Variants in CPNE4 observed in about 807,000 individuals in gnomAD.
The protein encoded by CPNE4 is copine 4.
CPNE4 carries 25 observed loss-of-function variants against 67.9 expected under a neutral mutation model. The observed-to-expected ratio is 0.37, with a 90% CI of 0.27 to 0.51. The LOEUF (loss-of-function observed/expected upper bound fraction) is 0.51. CPNE4 is among the 20% of genes least tolerant of loss of function. CPNE4 has a pLI of 0.93. For synonymous variants in CPNE4, 242 were observed against 244.9 expected (o/e 0.99, Z 0.11); for missense variants, 464 against 690.8 (o/e 0.67, Z 3.68).
chr3:131,966,595 TCTACA>T (rs1400297639), intron 1 of CPNE4, among the ~76,000 whole-genome samples: 2 of 152,072 alleles, frequency 1.3e-5, no homozygotes, highest in South Asian at 2.1e-4. Context: ...TATAAACAAC[TCTACA>T]CAGATAAACT....
rs147571070 is a variant in CPNE4 at position 131,624,110 on chromosome 3, T to C, written c.682-36528A>G. Among the ~76,000 whole-genome samples the C allele has an allele frequency of 1.8e-4, 28 of 152,318 alleles. 1 individual carries two copies. Among genetic ancestry groups the C allele is most frequent in the Admixed American group, 3.9e-4 (6 of 15,306 alleles). ...CTGCTATTGGTGTCTTTCTGAGTTT[T>C]GTCTGCGAATTTGGATTTTGTTTCC... On this transcript the variant is annotated intron_variant, in intron 7 of 15. Transcript: ENST00000429747.
chr3:132,020,873 C>G (rs1412875051), intron 1 of CPNE4, among the ~76,000 whole-genome samples: 2 of 152,228 alleles, frequency 1.3e-5, no homozygotes, highest in Non-Finnish European at 2.9e-5. Context: ...TTGCTGAACA[C>G]AAACAATAAA....
At chr3:131,688,530 G>T (rs1001578660) in intron 5 of CPNE4, among the ~76,000 whole-genome samples, 2 of 152,080 alleles carry the variant, frequency 1.3e-5, no homozygotes, top group African/African-American at 4.8e-5. Context: ...ATGGATGTGG[G>T]CTACAGTAGC....
chr3:131,693,479 C>A (rs985545540), intron 5 of CPNE4, among the ~76,000 whole-genome samples: 1 of 152,040 alleles, frequency 6.6e-6, no homozygotes, highest in African/African-American at 2.4e-5. Context: ...TATTAGTTTA[C>A]ATTTTTGCAA....
chr3:131,802,392 A>G (rs2084164269), intron 2 of CPNE4, among the ~76,000 whole-genome samples: 1 of 152,216 alleles, frequency 6.6e-6, no homozygotes, highest in African/African-American at 2.4e-5. Flanking sequence ...ACTATCATTC[A>G]AAAGCCTCAG....
chr3:131,823,129 G>A (rs1183416754), intron 2 of CPNE4, among the ~76,000 whole-genome samples: 1 of 152,210 alleles, frequency 6.6e-6, no homozygotes, highest in Non-Finnish European at 1.5e-5. Context: ...ATGAGCCACT[G>A]CGCCCGGTCT....
intron 1 of CPNE4, among the ~76,000 whole-genome samples, chr3:131,967,028 A>G (rs1368501644): frequency 2.0e-5 from 3 of 152,200 alleles, no homozygotes; most frequent in Non-Finnish European, 2.9e-5. Context: ...ATCCACCACG[A>G]TCAAGTCAGC....
chr3:131,736,800 C>T (rs1271841804), intron 2 of CPNE4, among the ~76,000 whole-genome samples: 1 of 152,054 alleles, frequency 6.6e-6, no homozygotes, highest in Non-Finnish European at 1.5e-5. Flanking sequence ...ATATCAACTC[C>T]TTTTCTACTC....
At chr3:132,000,838 C>T (rs2073413583) in intron 1 of CPNE4, among the ~76,000 whole-genome samples, 1 of 145,754 alleles carries the variant, frequency 6.9e-6, no homozygotes, top group South Asian at 2.2e-4. Flanking sequence ...GGAGTGAGAC[C>T]ATGTTTCTTA....
intron 1 of CPNE4, among the ~76,000 whole-genome samples, chr3:131,978,087 A>AT (rs1491325727): frequency 3.1e-5 from 1 of 32,200 alleles, no homozygotes; most frequent in Non-Finnish European, 4.9e-5. Flanking sequence ...AAATATATAT[A>AT]AATATATATA....
intron 1 of CPNE4, among the ~76,000 whole-genome samples, chr3:132,030,629 A>T (rs886637312): frequency 6.6e-6 from 1 of 152,216 alleles, no homozygotes; most frequent in Non-Finnish European, 1.5e-5. Context: ...CTGAGCTAAA[A>T]GCTGATGGTT....
chr3:131,708,365 T>A (rs1349197230), intron 3 of CPNE4, among the ~76,000 whole-genome samples: 3 of 152,166 alleles, frequency 2.0e-5, no homozygotes, highest in African/African-American at 7.2e-5. Flanking sequence ...GAGTTTGAGA[T>A]GTCTGTGAGT....
chr3:131,623,715 AGTTG>A (rs1308445275), intron 7 of CPNE4, among the ~76,000 whole-genome samples: 1 of 152,098 alleles, frequency 6.6e-6, no homozygotes, highest in African/African-American at 2.4e-5. Context: ...CATATTCCCA[AGTTG>A]CATCCCAGAC....
At chr3:131,743,430 C>T (rs751721213) in intron 2 of CPNE4, among the ~76,000 whole-genome samples, 4 of 152,084 alleles carry the variant, frequency 2.6e-5, no homozygotes, top group Non-Finnish European at 5.9e-5. Context: ...ATGGTACAAG[C>T]ATAAATTTAA....
chr3:131,925,753 C>A (rs900205713), intron 1 of CPNE4, among the ~76,000 whole-genome samples: 1 of 152,164 alleles, frequency 6.6e-6, no homozygotes, highest in Non-Finnish European at 1.5e-5. Flanking sequence ...CTAAGACACT[C>A]CTAATCTAGA....
At chr3:132,029,075 T>C (rs1007087591) in intron 1 of CPNE4, among the ~76,000 whole-genome samples, 36 of 152,126 alleles carry the variant, frequency 2.4e-4, no homozygotes, top group African/African-American at 8.2e-4. Context: ...ATCCTAATAC[T>C]CGGGTTAAGT....
chr3:132,008,647 G>A (rs186499003), intron 1 of CPNE4, among the ~76,000 whole-genome samples: 2 of 152,262 alleles, frequency 1.3e-5, no homozygotes, highest in African/African-American at 4.8e-5. Context: ...TACACTGTCA[G>A]CTATGGGTTC....
intron 2 of CPNE4, among the ~76,000 whole-genome samples, chr3:131,883,939 T>C (rs1167342664): frequency 6.6e-6 from 1 of 152,218 alleles, no homozygotes; most frequent in Non-Finnish European, 1.5e-5. Context: ...AATGGCTCAC[T>C]GCTTACTCAT....
intron 1 of CPNE4, among the ~76,000 whole-genome samples, chr3:132,013,388 C>CATT (rs2073818629): frequency 6.6e-6 from 1 of 152,148 alleles, no homozygotes; most frequent in African/African-American, 2.4e-5. Context: ...GTCTGGAAGA[C>CATT]ATTACATTGA....
Sources: gnomAD v4.1 joint callset for allele counts (sites outside exome capture counted in the v4.1 genomes callset) on GRCh38, gnomAD v4.1.1 for gene constraint, MANE v1.5 for transcripts, NCBI Gene and HGNC (gene_info 2026-07-23, HGNC 2026-07-21) for gene names.